TBC1D22A: variants seen among roughly 807,000 people sequenced by gnomAD.
The protein encoded by TBC1D22A is TBC1 domain family member 22A.
A neutral mutation model predicts 60.2 loss-of-function variants in TBC1D22A; 38 were observed. That is an observed-to-expected ratio of 0.63 (90% CI 0.49 to 0.83). TBC1D22A has a LOEUF of 0.83. Ranked by LOEUF, TBC1D22A falls within the 40% of genes least tolerant of loss-of-function variation. The pLI is 0.00. For synonymous variants in TBC1D22A, 302 were observed against 281.7 expected, an observed-to-expected ratio of 1.07 and a Z score of -0.72; for missense variants, 628 against 701.0, an observed-to-expected ratio of 0.90 and a Z score of 1.18.
chr22:46,999,265 A>G lies in TBC1D22A; in HGVS notation c.1201+1556A>G, dbSNP rs1012096584. 3.3e-5 allele frequency among the ~76,000 whole-genome samples: 5 copies of G among 152,374 alleles called. No individual in the cohort carries two copies. The East Asian group carries it at 9.6e-4, about 29-fold the overall frequency. On this transcript the variant is annotated intron_variant, in intron 10 of 12. Coordinates refer to ENST00000337137, the MANE Select transcript of TBC1D22A (RefSeq NM_014346.5). ...AGAGAGCAGCAGCGATAACCAAAGG[A>G]ACCCCAACGAAATCTGTACTTTTTA...
At chr22:47,061,904 A>C (rs891383401) in intron 11 of TBC1D22A, among the ~76,000 whole-genome samples, 2 of 152,000 alleles carry the variant, frequency 1.3e-5, no homozygotes, top group African/African-American at 2.4e-5. Flanking sequence ...CCTGGCCAAC[A>C]TGGCAAAACC....
At chr22:46,937,437 G>C (rs2071721955) in intron 8 of TBC1D22A, among the ~76,000 whole-genome samples, 1 of 152,202 alleles carries the variant, frequency 6.6e-6, no homozygotes, top group Non-Finnish European at 1.5e-5. Context: ...CCACGTGTTT[G>C]TGCTGATGCT....
chr22:47,076,364 T>TAC (rs1277889587), intron 11 of TBC1D22A, among the ~76,000 whole-genome samples: 1 of 94,784 alleles, frequency 1.1e-5, no homozygotes, highest in African/African-American at 4.8e-5. Flanking sequence ...TGTGTGTGTA[T>TAC]ATATATATAT....
At chr22:46,983,812 G>A (rs1421628412) in intron 9 of TBC1D22A, among the ~76,000 whole-genome samples, 1 of 151,946 alleles carries the variant, frequency 6.6e-6, no homozygotes, top group East Asian at 1.9e-4. Context: ...TGGTTTCATG[G>A]ATGTGTCCTT....
chr22:46,939,706 CAAAG>C (rs1348336330), intron 8 of TBC1D22A, among the ~76,000 whole-genome samples: 1 of 152,178 alleles, frequency 6.6e-6, no homozygotes, highest in Non-Finnish European at 1.5e-5. Flanking sequence ...TCAAAATTAT[CAAAG>C]AGACTATGTT....
At chr22:46,869,959 C>T (rs559039374) in intron 4 of TBC1D22A, among the ~76,000 whole-genome samples, 7 of 152,246 alleles carry the variant, frequency 4.6e-5, no homozygotes, top group Admixed American at 3.3e-4. Context: ...ATTTTACATC[C>T]AATTAGAATG....
chr22:46,801,525 A>G (rs1295246474), intron 4 of TBC1D22A, among the ~76,000 whole-genome samples: 5 of 152,270 alleles, frequency 3.3e-5, no homozygotes, highest in Admixed American at 1.3e-4. Flanking sequence ...CATTGGCTCA[A>G]TATTTACTCA....
chr22:46,815,948 A>T (rs1013302758), intron 4 of TBC1D22A, among the ~76,000 whole-genome samples: 1 of 152,144 alleles, frequency 6.6e-6, no homozygotes, highest in Non-Finnish European at 1.5e-5. Context: ...TGCGTGCGCC[A>T]TGGGCAGGTA....
chr22:46,911,090 C>T (rs1374713061), intron 7 of TBC1D22A, among the ~76,000 whole-genome samples: 1 of 151,864 alleles, frequency 6.6e-6, no homozygotes, highest in Non-Finnish European at 1.5e-5. Context: ...CACATGTGCA[C>T]GTGTATGGTG....
At chr22:46,855,747 A>G (rs1265695575) in intron 4 of TBC1D22A, among the ~76,000 whole-genome samples, 1 of 152,144 alleles carries the variant, frequency 6.6e-6, no homozygotes, top group Non-Finnish European at 1.5e-5. Context: ...GGGGGGGTTG[A>G]TGGTCAGTTC....
In TBC1D22A at chr22:47,069,818, T is replaced by G. The variant is rs1374594157; in HGVS notation, c.1329+32620T>G. 2.9e-5 allele frequency among the ~76,000 whole-genome samples: 4 copies of G among 137,460 alleles called. 1 individual carries two copies. In the Admixed American group the frequency reaches 3.0e-4, roughly 10 times the overall value. The allele number at this position is 137,460 out of a possible 152,430, so 90.2% of individuals were successfully genotyped here. A position where few individuals can be genotyped will look rare whatever the true frequency, so the allele number is the denominator to read the frequency against. On this transcript the variant is annotated intron_variant, in intron 11 of 12. Coordinates refer to ENST00000337137, the MANE Select transcript of TBC1D22A (RefSeq NM_014346.5). ...GAGCTGACTTGACGGTTCCCGGCTGTTCCCTGTTGTTTGGTTGGAGCGGGG... is the reference window on the plus strand; with the variant it reads ...GAGCTGACTTGACGGTTCCCGGCTGGTCCCTGTTGTTTGGTTGGAGCGGGG...
chr22:47,164,893 T>A (rs2068136927), intron 12 of TBC1D22A, among the ~76,000 whole-genome samples: 1 of 152,144 alleles, frequency 6.6e-6, no homozygotes, highest in Admixed American at 6.5e-5. Flanking sequence ...ATACAAATGC[T>A]CCACTGTCTG....
intron 11 of TBC1D22A, among the ~76,000 whole-genome samples, chr22:47,074,696 C>T (rs1230397310): frequency 2.0e-5 from 3 of 152,222 alleles, no homozygotes; most frequent in African/African-American, 7.2e-5. Context: ...GAATTCTGTT[C>T]TGTCGGTTCT....
chr22:46,938,115 C>T (rs963190516), intron 8 of TBC1D22A, among the ~76,000 whole-genome samples: 3 of 152,160 alleles, frequency 2.0e-5, no homozygotes, highest in Non-Finnish European at 2.9e-5. Context: ...TCCCAGGCCT[C>T]GCAGCCACTC....
At chr22:46,985,660 T>C (rs937015527) in intron 9 of TBC1D22A, among the ~76,000 whole-genome samples, 1 of 152,226 alleles carries the variant, frequency 6.6e-6, no homozygotes, top group African/African-American at 2.4e-5. Flanking sequence ...ATCCTCCTGT[T>C]GGTGGCAGCC....
intron 4 of TBC1D22A, among the ~76,000 whole-genome samples, chr22:46,838,128 C>T (rs1301283431): frequency 2.6e-5 from 4 of 151,994 alleles, no homozygotes; most frequent in East Asian, 1.9e-4. Flanking sequence ...GAAGAACAAA[C>T]GAAGTTCAAA....
intron 11 of TBC1D22A, among the ~76,000 whole-genome samples, chr22:47,065,250 CCT>C (rs2063713281): frequency 2.0e-5 from 3 of 152,258 alleles, no homozygotes; most frequent in Admixed American, 2.0e-4. Context: ...CCCACGTTGG[CCT>C]CCCAAAGTGC....
chr22:47,170,648 G>A (rs1296137312), intron 12 of TBC1D22A, among the ~76,000 whole-genome samples: 2 of 150,596 alleles, frequency 1.3e-5, no homozygotes, highest in African/African-American at 2.5e-5. Flanking sequence ...AGAGAGGACA[G>A]TCCTGGTGTG....
At chr22:47,071,392 G>A (rs1047343166) in intron 11 of TBC1D22A, among the ~76,000 whole-genome samples, 5 of 152,166 alleles carry the variant, frequency 3.3e-5, no homozygotes, top group African/African-American at 4.8e-5. Context: ...CTCCCTGCCC[G>A]TCCTCAGTTG....
Sources: gnomAD v4.1 joint callset for allele counts (sites outside exome capture counted in the v4.1 genomes callset) on GRCh38, gnomAD v4.1.1 for gene constraint, MANE v1.5 for transcripts, NCBI Gene and HGNC (gene_info 2026-07-23, HGNC 2026-07-21) for gene names.